UNC13C: variants seen among roughly 807,000 people sequenced by gnomAD.
UNC13C encodes protein unc-13 homolog C.
A neutral mutation model predicts 245.4 loss-of-function variants in UNC13C; 174 were observed. That is an observed-to-expected ratio of 0.71 (90% confidence interval 0.63 to 0.80). The LOEUF (loss-of-function observed/expected upper bound fraction) is 0.80. Among genes scored for constraint, UNC13C ranks in the 30% least tolerant of loss-of-function variants. UNC13C has a pLI of 0.00. For missense variants in UNC13C, 2,829 were observed against 2,602.9 expected (o/e 1.09, Z -1.89); for synonymous variants, 992 against 895.1 (o/e 1.11, Z -1.93).
At chr15:53,949,947 A>G in the UNC13C span, among the ~76,000 whole-genome samples, 1 of 152,200 alleles carries the variant, frequency 6.6e-6, no homozygotes, top group Non-Finnish European at 1.5e-5. Context: ...AAGCTCTGCT[A>G]TTTGTTTTTT....
the UNC13C span, among the ~76,000 whole-genome samples, chr15:53,953,131 G>A: frequency 6.6e-6 from 1 of 152,202 alleles, no homozygotes; most frequent in Non-Finnish European, 1.5e-5. Context: ...AGACTTTGAT[G>A]TGATGAAAGG....
At chr15:54,074,351 G>A (rs527271204) in intron 2 of UNC13C, among the ~76,000 whole-genome samples, 30 of 152,182 alleles carry the variant, frequency 2.0e-4, no homozygotes, top group African/African-American at 7.2e-4. Flanking sequence ...GGATTTTCTT[G>A]GCTATGTGGG....
At chr15:54,256,177 A>G (rs374231316) in intron 8 of UNC13C, among the ~76,000 whole-genome samples, 77 of 152,312 alleles carry the variant, frequency 5.1e-4, no homozygotes, top group East Asian at 4.1e-3. Flanking sequence ...ACCTCCAGCT[A>G]GAGACCACCA....
At chr15:54,126,371 A>G (rs912302011) in intron 2 of UNC13C, among the ~76,000 whole-genome samples, 3 of 152,208 alleles carry the variant, frequency 2.0e-5, no homozygotes, top group African/African-American at 7.2e-5. Context: ...AAAGAAAACT[A>G]ACAAAGAGGC....
intron 10 of UNC13C, among the ~76,000 whole-genome samples, chr15:54,274,988 T>A (rs2036794841): frequency 6.6e-6 from 1 of 152,000 alleles, no homozygotes; most frequent in Admixed American, 6.6e-5. Context: ...CAAATTTTAA[T>A]ATCAAAAATG....
intron 28 of UNC13C, among the ~76,000 whole-genome samples, chr15:54,552,528 A>AT (rs1896819740): frequency 1.5e-5 from 1 of 65,706 alleles, no homozygotes; most frequent in Non-Finnish European, 2.4e-5. Flanking sequence ...ATTATATATA[A>AT]TAATATAATT....
intron 1 of UNC13C, among the ~76,000 whole-genome samples, chr15:54,011,666 G>C (rs1001926174): frequency 3.9e-5 from 6 of 152,302 alleles, no homozygotes; most frequent in African/African-American, 1.4e-4. Flanking sequence ...CAGAGCAGAA[G>C]AGTTATACCC....
Position 54,507,132 on chromosome 15 carries a change from C to G in UNC13C, c.5317C>G (p.Leu1773Val), listed in dbSNP as rs1314977005. ...RRFAKTINKVLLQYAAIVSSD... is the reference protein window; with the variant it reads ...RRFAKTINKVVLQYAAIVSSD... ...TCTTTCTTAGACTATCAATAAAGTG[C>G]TGCTCCAGTATGCTGCAATTGTATC... The change falls in exon 23 of 33, where the codon CTG (leucine) becomes GTG (valine). Residue 1773 changes from leucine to valine, a missense_variant. Physicochemically the swap from Leu to Val is conservative, Grantham distance 32. Transcript: ENST00000260323. 3 of 1,597,442 alleles carry G rather than the reference C, an allele frequency of 1.9e-6. No homozygotes were observed. The highest frequency in any genetic ancestry group is 2.6e-6 in the Non-Finnish European group (3 of 1,170,652).
chr15:53,846,966 C>T, the UNC13C span, among the ~76,000 whole-genome samples: 1 of 152,064 alleles, frequency 6.6e-6, no homozygotes, highest in South Asian at 2.1e-4. Context: ...TAGGGCCCAA[C>T]TGCAGAGGTC....
At chr15:54,343,672 A>C (rs2038791283) in intron 17 of UNC13C, among the ~76,000 whole-genome samples, 2 of 152,192 alleles carry the variant, frequency 1.3e-5, no homozygotes, top group Admixed American at 1.3e-4. Context: ...TCAAAGAAAA[A>C]ATTATTCATT....
chr15:54,597,711 T>G (rs764675825), intron 30 of UNC13C, among the ~76,000 whole-genome samples: 2 of 152,230 alleles, frequency 1.3e-5, no homozygotes, highest in Non-Finnish European at 2.9e-5. Context: ...GAATAATGTA[T>G]TAACACATAG....
At chr15:54,609,849 A>G (rs533909226) in intron 30 of UNC13C, among the ~76,000 whole-genome samples, 2 of 152,340 alleles carry the variant, frequency 1.3e-5, no homozygotes, top group East Asian at 3.9e-4. Flanking sequence ...ACTTACAATC[A>G]TGGCAGAAAG....
chr15:54,551,911 A>C (rs556032837), intron 28 of UNC13C, among the ~76,000 whole-genome samples: 2 of 152,000 alleles, frequency 1.3e-5, no homozygotes, highest in African/African-American at 4.8e-5. Flanking sequence ...TTATTTTATT[A>C]GAATGTCACT....
At chr15:54,340,688 G>A (rs2038707709) in intron 17 of UNC13C, among the ~76,000 whole-genome samples, 1 of 152,072 alleles carries the variant, frequency 6.6e-6, no homozygotes. Flanking sequence ...GGTGACTATG[G>A]CCTTACAGTA....
Position 54,445,711 on chromosome 15 carries a change from G to T in UNC13C, c.4933+30644G>T, listed in dbSNP as rs534844473. On this transcript the variant is annotated intron_variant, in intron 19 of 32. Coordinates refer to ENST00000260323, the MANE Select transcript of UNC13C (RefSeq NM_001080534.3). ...ATATTAGCCCTTTGTCAGATGAGTA[G>T]ATTGCAAAAATTTTCTCCCATTCTG... Among the ~76,000 whole-genome samples the T allele has an allele frequency of 2.7e-3, 412 of 151,988 alleles. 3 individuals carry two copies. Among genetic ancestry groups the T allele is most frequent in the African/African-American group, 8.8e-3 (367 of 41,516 alleles).
intron 10 of UNC13C, among the ~76,000 whole-genome samples, chr15:54,274,332 A>T (rs2036772361): frequency 6.6e-6 from 1 of 152,246 alleles, no homozygotes; most frequent in Non-Finnish European, 1.5e-5. Flanking sequence ...ATCTAAAACA[A>T]AACCCAAATC....
intron 18 of UNC13C, among the ~76,000 whole-genome samples, chr15:54,409,902 T>G (rs2040382648): frequency 6.6e-6 from 1 of 152,238 alleles, no homozygotes; most frequent in African/African-American, 2.4e-5. Flanking sequence ...ATAAAGAGAT[T>G]GCTGAGTTAA....
intron 8 of UNC13C, among the ~76,000 whole-genome samples, chr15:54,254,715 G>A (rs1477101946): frequency 6.6e-6 from 1 of 152,210 alleles, no homozygotes; most frequent in Non-Finnish European, 1.5e-5. Context: ...TAGAACTCAG[G>A]TCTCTGAACT....
At chr15:54,468,093 G>T (rs1035787056) in intron 19 of UNC13C, among the ~76,000 whole-genome samples, 1 of 151,538 alleles carries the variant, frequency 6.6e-6, no homozygotes, top group Non-Finnish European at 1.5e-5. Context: ...GCATGTATGG[G>T]TCCACTTTTA....
Sources: allele counts gnomAD v4.1 joint callset (sites outside exome capture counted in the v4.1 genomes callset), GRCh38; gene constraint gnomAD v4.1.1; transcripts MANE v1.5; gene names NCBI Gene and HGNC (gene_info 2026-07-23, HGNC 2026-07-21).